SCGB1D1: variants seen among roughly 807,000 people sequenced by gnomAD.
SCGB1D1 encodes the protein secretoglobin family 1D member 1.
SCGB1D1 carries 10 observed loss-of-function variants against 8.3 expected under a neutral mutation model. The observed-to-expected ratio is 1.21, with a 90% CI of 0.74 to 2.05. The LOEUF (loss-of-function observed/expected upper bound fraction) is 2.05, where lower values mean the gene tolerates loss of function less well. Among genes scored for constraint, SCGB1D1 ranks in the 30% most tolerant of loss-of-function variants. The probability of loss-of-function intolerance (pLI) is 0.00; values close to 1 mark genes in which losing one functional copy is unlikely to be tolerated. For missense variants in SCGB1D1, 94 were observed against 105.1 expected, an observed-to-expected ratio of 0.89 and a Z score of 0.46; for synonymous variants, 46 against 41.7, an observed-to-expected ratio of 1.10 and a Z score of -0.39.
chr11:62,190,363 A>G (rs1944669633), intron 1 of SCGB1D1, 24 bp downstream of exon 1: 2 of 1,614,028 alleles, frequency 1.2e-6, no homozygotes, highest in East Asian at 2.2e-5. Context: ...TCATGAGTCC[A>G]GCACCAGCCC....
At chr11:62,192,266 G>C in intron 2 of SCGB1D1, 23 bp downstream of exon 2, 1 of 1,588,818 alleles carries the variant, frequency 6.3e-7, no homozygotes, top group African/African-American at 1.3e-5. Context: ...TCTTTCATGT[G>C]TCCAGGCTTC....
At position 62,192,956 on chromosome 11, in the gene SCGB1D1, G is replaced by T. The variant is rs543640169; in HGVS notation, c.244-443G>T. Among the ~76,000 whole-genome samples the T allele has an allele frequency of 2.0e-5, 3 of 152,334 alleles. No homozygotes were observed. In the East Asian group the frequency reaches 5.8e-4, roughly 29 times the overall value. On this transcript the variant is annotated intron_variant, in intron 2 of 2. Transcript: ENST00000306238. ...GCTGTCCTGAGGTTTAGCTGCAAAT[G>T]CTCATGGAAGCTGCAGGCTCAGGAT... is the stretch of plus-strand genomic sequence containing the variant.
chr11:62,191,981 T>C, intron 1 of SCGB1D1, 75 bp from the exon 2 acceptor site: 1 of 1,328,288 alleles, frequency 7.5e-7, no homozygotes. Context: ...GGTTCCTGTC[T>C]GGTCTGACAT....
chr11:62,192,961 T>C (rs1376160738), intron 2 of SCGB1D1, among the ~76,000 whole-genome samples: 2 of 152,212 alleles, frequency 1.3e-5, no homozygotes, highest in Non-Finnish European at 2.9e-5. Flanking sequence ...CAAATGCTCA[T>C]GGAAGCTGCA....
intron 1 of SCGB1D1, among the ~76,000 whole-genome samples, chr11:62,191,561 T>G (rs1278495743): frequency 6.6e-6 from 1 of 152,228 alleles, no homozygotes; most frequent in African/African-American, 2.4e-5. Flanking sequence ...ATTCTACAAC[T>G]TGTTCTCAAA....
intron 2 of SCGB1D1, among the ~76,000 whole-genome samples, chr11:62,192,803 C>T (rs955632311): frequency 1.3e-5 from 2 of 152,234 alleles, no homozygotes; most frequent in African/African-American, 4.8e-5. Context: ...CTCCTGACCA[C>T]GGCCAGTGGG....
At position 62,190,231 on chromosome 11, in the gene SCGB1D1, A is replaced by G; in HGVS notation, c.-54A>G. ...ACGGCTCCACAGGCTCCCGGGGCTG[A>G]GTCTAAATCACTCATCATTGGTTAA... On this transcript the variant is annotated 5_prime_UTR_variant, in exon 1 of 3. Transcript: ENST00000306238. 1.2e-6 allele frequency: 2 copies of G among 1,611,250 alleles called. No individual in the cohort carries two copies. Among genetic ancestry groups the G allele is most frequent in the Non-Finnish European group, 1.7e-6 (2 of 1,177,610 alleles).
intron 2 of SCGB1D1, 50 bp downstream of exon 2, chr11:62,192,293 G>A (rs1390141996): frequency 6.7e-7 from 1 of 1,498,012 alleles, no homozygotes; most frequent in Non-Finnish European, 9.2e-7. Context: ...GCGGCACAGT[G>A]TGAAGTGAGG....
At chr11:62,193,316 C>T in intron 2 of SCGB1D1, 83 bp from the exon 3 acceptor site, 1 of 1,285,178 alleles carries the variant, frequency 7.8e-7, no homozygotes, top group Non-Finnish European at 1.1e-6. Flanking sequence ...AGCAGAATTC[C>T]ATCGGCCACT....
intron 1 of SCGB1D1, 75 bp downstream of exon 1, chr11:62,190,414 G>A: frequency 1.3e-6 from 2 of 1,591,590 alleles, no homozygotes; most frequent in Non-Finnish European, 1.7e-6. Context: ...CACCTATTAA[G>A]GTTAAGGTTG....
chr11:62,190,511 C>G (rs114580715), intron 1 of SCGB1D1, among the ~76,000 whole-genome samples, 172 bp downstream of exon 1: 2,112 of 152,248 alleles, frequency 0.014, 43 homozygotes, highest in African/African-American at 0.048. Flanking sequence ...TTCATCAAAT[C>G]CCCAGTACCT....
chr11:62,192,527 C>T (rs1441128971), intron 2 of SCGB1D1, among the ~76,000 whole-genome samples: 1 of 152,230 alleles, frequency 6.6e-6, no homozygotes, highest in African/African-American at 2.4e-5. Context: ...AGCCTGGGTC[C>T]AGGCAGGGGT....
intron 2 of SCGB1D1, among the ~76,000 whole-genome samples, chr11:62,192,753 G>T (rs1944688712): frequency 6.6e-6 from 1 of 152,186 alleles, no homozygotes. Context: ...GCCCCTCCCA[G>T]CTCCTCAGAC....
Position 62,193,522 on chromosome 11 carries a change from T to C in SCGB1D1, c.*94T>C. The C allele has an allele frequency of 9.0e-7, 1 of 1,112,290 alleles. No individual in the cohort carries two copies. Among genetic ancestry groups the C allele is most frequent in the Non-Finnish European group, 1.3e-6 (1 of 752,132 alleles). 68.9% of individuals were successfully genotyped at this position (1,112,290 alleles called of 1,614,324 possible). A position where few individuals can be genotyped will look rare whatever the true frequency, so the allele number is the denominator to read the frequency against. On this transcript the variant is annotated 3_prime_UTR_variant, in exon 3 of 3. Transcript: ENST00000306238. Reference sequence around the variant, plus strand: ...TAAAGGTTTCAACGTCTTGCTCTAATAAATCACTTGCCCTGAACTTCTCCA... The same window carrying C: ...TAAAGGTTTCAACGTCTTGCTCTAACAAATCACTTGCCCTGAACTTCTCCA...
At chr11:62,192,592 T>A (rs893469333) in intron 2 of SCGB1D1, among the ~76,000 whole-genome samples, 1 of 152,202 alleles carries the variant, frequency 6.6e-6, no homozygotes, top group Non-Finnish European at 1.5e-5. Context: ...TGAGGCCAAG[T>A]GGACCTCACA....
intron 1 of SCGB1D1, 85 bp downstream of exon 1, chr11:62,190,424 G>T: frequency 6.4e-7 from 1 of 1,574,268 alleles, no homozygotes; most frequent in East Asian, 2.2e-5. Flanking sequence ...GGTTAAGGTT[G>T]GGGTCTGGAA....
intron 2 of SCGB1D1, among the ~76,000 whole-genome samples, 186 bp downstream of exon 2, chr11:62,192,429 G>C (rs570662331): frequency 1.3e-5 from 2 of 152,178 alleles, no homozygotes; most frequent in Non-Finnish European, 2.9e-5. Context: ...ATTCAACTCA[G>C]CTGCACACAG....
Position 62,192,223 on chromosome 11 carries a change from G to A in SCGB1D1, c.223G>A (p.Val75Met). Residue 75 changes from valine (V) to methionine (M), a missense_variant, in exon 2 of 3, where the codon GTG becomes ATG. Transcript: ENST00000306238. ...CVDTMAYEKR[V>M]LITKTLGKIA... Reference sequence around the variant, plus strand: ...GGATACGATGGCCTATGAGAAAAGAGTGCTAATTACAAAAACATTGGTAAT... The same window carrying A: ...GGATACGATGGCCTATGAGAAAAGAATGCTAATTACAAAAACATTGGTAAT... The A allele has an allele frequency of 2.5e-6, 4 of 1,608,880 alleles. No homozygotes were observed. The highest frequency in any genetic ancestry group is 3.4e-6 in the Non-Finnish European group (4 of 1,176,046).
In SCGB1D1 at chr11:62,193,298, T is replaced by C. The variant is rs753862948; in HGVS notation, c.244-101T>C. ...GGTTCCTGCCTCTACCCTTCAATTG[T>C]CTTTGGGAGCAGAATTCCATCGGCC... On this transcript the variant is annotated intron_variant, in intron 2 of 2. Coordinates refer to ENST00000306238, the MANE Select transcript of SCGB1D1 (RefSeq NM_006552.2). 2.7e-6 allele frequency: 3 copies of C among 1,109,346 alleles called. No homozygotes were observed. The African/African-American group carries it at 4.7e-5, about 17-fold the overall frequency. 68.7% of individuals were successfully genotyped at this position (1,109,346 alleles called of 1,614,324 possible).
Sources: gnomAD v4.1 joint callset for allele counts (sites outside exome capture counted in the v4.1 genomes callset) on GRCh38, gnomAD v4.1.1 for gene constraint, MANE v1.5 for transcripts, NCBI Gene and HGNC (gene_info 2026-07-23, HGNC 2026-07-21) for gene names.